Variants in CPA6 observed in about 807,000 individuals in gnomAD.
CPA6 encodes carboxypeptidase B.
A neutral mutation model predicts 63.3 loss-of-function variants in CPA6; 58 were observed. The observed-to-expected ratio is 0.92, with a 90% CI of 0.74 to 1.14. The LOEUF (loss-of-function observed/expected upper bound fraction) is 1.14. Ranked by LOEUF, CPA6 falls within the 50% of genes most tolerant of loss-of-function variation. The pLI, the probability that CPA6 is intolerant of heterozygous loss-of-function variation, is 0.00. For missense variants in CPA6, 565 were observed against 526.6 expected (o/e 1.07, Z -0.71); for synonymous variants, 185 against 179.0 (o/e 1.03, Z -0.27).
chr8:67,627,606 C>G (rs1815222504), intron 1 of CPA6, among the ~76,000 whole-genome samples: 1 of 152,216 alleles, frequency 6.6e-6, no homozygotes, highest in East Asian at 1.9e-4. Flanking sequence ...TCTAACTTAG[C>G]CTATATAAAG....
intron 10 of CPA6, among the ~76,000 whole-genome samples, chr8:67,426,416 T>C (rs1002982738): frequency 3.9e-5 from 6 of 152,162 alleles, no homozygotes; most frequent in Non-Finnish European, 8.8e-5. Context: ...TTGGCATTAA[T>C]TGGTAATATG....
intron 8 of CPA6, among the ~76,000 whole-genome samples, chr8:67,471,703 T>C (rs1811062922): frequency 6.6e-6 from 1 of 152,220 alleles, no homozygotes; most frequent in Admixed American, 6.5e-5. Context: ...ATAAAAAGAA[T>C]ATCATCATTT....
At chr8:67,584,098 T>C (rs562559993) in intron 2 of CPA6, among the ~76,000 whole-genome samples, 2 of 152,246 alleles carry the variant, frequency 1.3e-5, no homozygotes, top group South Asian at 2.1e-4. Flanking sequence ...TCAGACGTTG[T>C]AGTGAGCTGA....
At chr8:67,669,813 C>CA (rs563767419) in intron 1 of CPA6, among the ~76,000 whole-genome samples, 80 of 150,702 alleles carry the variant, frequency 5.3e-4, no homozygotes, top group Non-Finnish European at 8.6e-4. Context: ...AAAACAACCC[C>CA]AAAAAACAGA....
chr8:67,702,046 G>C (rs1817036204), intron 1 of CPA6, among the ~76,000 whole-genome samples: 1 of 152,036 alleles, frequency 6.6e-6, no homozygotes, highest in Non-Finnish European at 1.5e-5. Context: ...CTCTCTAAAA[G>C]AATAATTGAT....
At chr8:67,686,672 C>T (rs7011473) in intron 1 of CPA6, among the ~76,000 whole-genome samples, 71,466 of 152,034 alleles carry the variant, frequency 0.47, 19,939 homozygotes, top group African/African-American at 0.79. Flanking sequence ...GTTTAATGGT[C>T]GTGCTCCAAG....
At chr8:67,689,156 C>G (rs1816765952) in intron 1 of CPA6, among the ~76,000 whole-genome samples, 1 of 152,048 alleles carries the variant, frequency 6.6e-6, no homozygotes, top group Admixed American at 6.6e-5. Context: ...ACAAATGACT[C>G]AATGTACTCC....
intron 1 of CPA6, among the ~76,000 whole-genome samples, chr8:67,648,096 C>T (rs536696968): frequency 6.6e-6 from 1 of 152,010 alleles, no homozygotes; most frequent in Non-Finnish European, 1.5e-5. Flanking sequence ...GTTCCTTTGG[C>T]CCCTATAGGG....
intron 8 of CPA6, among the ~76,000 whole-genome samples, chr8:67,435,496 G>A (rs1380777509): frequency 6.6e-6 from 1 of 152,298 alleles, no homozygotes; most frequent in Non-Finnish European, 1.5e-5. Flanking sequence ...CTGTGATGGG[G>A]AGGAGACGGC....
At chr8:67,503,468 ATTTTTTT>A (rs869172205) in intron 6 of CPA6, among the ~76,000 whole-genome samples, 6 of 126,022 alleles carry the variant, frequency 4.8e-5, no homozygotes, top group East Asian at 2.3e-4. Context: ...AGCTAATTAA[ATTTTTTT>A]TTTTTTTTTT....
rs1383020559 is a variant in CPA6, at chr8:67,624,164, A to T, written c.192+12T>A. ...GCACAATTCTACCATAAGTGTGTAG[A>T]TGTTCTATTACCTTAAGTTGATAGG... On this transcript the variant is annotated intron_variant, in intron 2 of 10. Coordinates refer to ENST00000297770, the MANE Select transcript of CPA6 (RefSeq NM_020361.5). 6.8e-7 allele frequency: 1 copy of T among 1,465,234 alleles called. No individual in the cohort carries two copies. Among genetic ancestry groups the T allele is most frequent in the Non-Finnish European group, 9.5e-7 (1 of 1,048,534 alleles). 90.8% of individuals were successfully genotyped at this position (1,465,234 alleles called of 1,614,324 possible).
At chr8:67,468,550 C>T (rs1281037758) in intron 8 of CPA6, among the ~76,000 whole-genome samples, 1 of 149,782 alleles carries the variant, frequency 6.7e-6, no homozygotes, top group East Asian at 1.9e-4. Flanking sequence ...CGCGTCATTG[C>T]ACCTGGGCGA....
chr8:67,469,851 TTC>T (rs1811016148), intron 8 of CPA6, among the ~76,000 whole-genome samples: 2 of 152,104 alleles, frequency 1.3e-5, no homozygotes, highest in Admixed American at 1.3e-4. Context: ...CACTCCCTCT[TTC>T]TCTCTCTTTT....
intron 2 of CPA6, among the ~76,000 whole-genome samples, chr8:67,614,961 A>G (rs553922814): frequency 2.6e-5 from 4 of 152,284 alleles, no homozygotes; most frequent in Admixed American, 2.0e-4. Flanking sequence ...TGCTTTCCCT[A>G]TTCGCCCTGT....
rs182175141 is a variant in CPA6 at position 67,529,361 on chromosome 8, G to A, written c.193-11314C>T. ...TTTAAACCTAACCAGGGAGAGATGAGAGGTGGGATATCAAAGAAAAGCAAG... is the reference window on the plus strand; with the variant it reads ...TTTAAACCTAACCAGGGAGAGATGAAAGGTGGGATATCAAAGAAAAGCAAG... On this transcript the variant is annotated intron_variant, in intron 2 of 10. Coordinates refer to ENST00000297770, the MANE Select transcript of CPA6 (RefSeq NM_020361.5). Among the ~76,000 whole-genome samples the A allele has an allele frequency of 1.6e-3, 250 of 152,232 alleles. 1 individual carries two copies. The highest frequency in any genetic ancestry group is 5.8e-3 in the African/African-American group (239 of 41,548).
chr8:67,653,714 C>T (rs1433622749), intron 1 of CPA6, among the ~76,000 whole-genome samples: 2 of 151,984 alleles, frequency 1.3e-5, no homozygotes, highest in Non-Finnish European at 2.9e-5. Flanking sequence ...TTCCTCTTTT[C>T]CTAATTGAAT....
intron 2 of CPA6, among the ~76,000 whole-genome samples, chr8:67,572,716 A>C (rs1017200057): frequency 6.6e-6 from 1 of 152,194 alleles, no homozygotes; most frequent in African/African-American, 2.4e-5. Flanking sequence ...TTAAATAAAA[A>C]CTAATACTAA....
Position 67,598,104 on chromosome 8 carries a change from C to T in CPA6, c.192+26072G>A, listed in dbSNP as rs945906676. Among the ~76,000 whole-genome samples, 6 of 152,156 alleles carry T rather than the reference C, an allele frequency of 3.9e-5. No homozygotes were observed. The South Asian group carries it at 6.2e-4, about 16-fold the overall frequency. On this transcript the variant is annotated intron_variant, in intron 2 of 10. Transcript: ENST00000297770. The stretch of plus-strand genomic sequence containing the variant: ...GAATGCAATCTTTTAGCATCCCAAC[C>T]CAAAGCCTAGGCTGTCTGGCCTGAT...
intron 1 of CPA6, among the ~76,000 whole-genome samples, chr8:67,652,939 G>C (rs1469683224): frequency 2.0e-5 from 3 of 151,426 alleles, no homozygotes; most frequent in African/African-American, 4.8e-5. Context: ...AAGGGATCCA[G>C]TTTCAGCTTT....
Sources: allele counts gnomAD v4.1 joint callset (sites outside exome capture counted in the v4.1 genomes callset), GRCh38; gene constraint gnomAD v4.1.1; transcripts MANE v1.5; gene names NCBI Gene and HGNC (gene_info 2026-07-23, HGNC 2026-07-21).